ATF3: variants seen among roughly 807,000 people sequenced by gnomAD.
ATF3 encodes the protein activating transcription factor 3, also known as cyclic AMP-dependent transcription factor ATF-3.
In ATF3, 10 loss-of-function variants were observed where a neutral mutation model predicts 18.4. The observed-to-expected ratio is 0.54, with a 90% CI of 0.34 to 0.92. The LOEUF is 0.92. Among genes scored for constraint, ATF3 ranks in the 40% least tolerant of loss-of-function variants. ATF3 has a pLI of 0.02. For synonymous variants in ATF3, 78 were observed against 87.9 expected, an observed-to-expected ratio of 0.89 and a Z score of 0.63; for missense variants, 183 against 222.3, an observed-to-expected ratio of 0.82 and a Z score of 1.12.
chr1:212,574,905 T>C (rs566818565), intron 1 of ATF3, among the ~76,000 whole-genome samples: 7 of 152,132 alleles, frequency 4.6e-5, no homozygotes, highest in Middle Eastern at 3.4e-3. Context: ...TCTAAATATC[T>C]AACAAGACAA....
At chr1:212,580,849 A>G (rs2102626859) in intron 1 of ATF3, among the ~76,000 whole-genome samples, 1 of 152,250 alleles carries the variant, frequency 6.6e-6, no homozygotes, top group South Asian at 2.1e-4. Context: ...GCTTACTGCA[A>G]CCTTCACCTC....
At chr1:212,606,544 C>T (rs1418723819), upstream of ATF3, among the ~76,000 whole-genome samples, 4 of 152,216 alleles carry the variant, frequency 2.6e-5, no homozygotes, top group African/African-American at 4.8e-5. Flanking sequence ...ACTTGACGCC[C>T]TAAGTTGAAT....
At chr1:212,614,590 C>CAA (rs34303223) in intron 1 of ATF3, among the ~76,000 whole-genome samples, 15 of 124,070 alleles carry the variant, frequency 1.2e-4, no homozygotes, top group African/African-American at 4.4e-4. Context: ...GAGTAATATA[C>CAA]AAAAAAAAAA....
chr1:212,585,098 G>T (rs1664753774), intron 1 of ATF3, among the ~76,000 whole-genome samples: 1 of 152,182 alleles, frequency 6.6e-6, no homozygotes, highest in Non-Finnish European at 1.5e-5. Context: ...GGGGTGGGAG[G>T]GCCTCTAAGG....
upstream of ATF3, among the ~76,000 whole-genome samples, chr1:212,603,933 G>A (rs74138571): frequency 0.013 from 1,924 of 152,122 alleles, 49 homozygotes; most frequent in African/African-American, 0.044. Flanking sequence ...AATCATAACT[G>A]TATTTTAAAA....
chr1:212,618,335 T>C lies in ATF3; in HGVS notation c.348+101T>C. The C allele has an allele frequency of 7.9e-7, 1 of 1,262,506 alleles. No individual in the cohort carries two copies. The highest frequency in any genetic ancestry group is 1.2e-6 in the Non-Finnish European group (1 of 863,224). 78.2% of individuals were successfully genotyped at this position (1,262,506 alleles called of 1,614,324 possible). ...AGTTAGAAAACCCCCTACTTGGTTA[T>C]AGTTTCCCAAGAAGGGCCTTGTAGC... On this transcript the variant is annotated intron_variant, in intron 3 of 3. Transcript: ENST00000341491. The surrounding 1 kb of genome is among the most constrained non-coding windows in gnomAD (Gnocchi z 4.4).
chr1:212,602,797 C>G (rs951237322), intron 1 of ATF3, among the ~76,000 whole-genome samples: 3 of 152,194 alleles, frequency 2.0e-5, no homozygotes, highest in African/African-American at 7.2e-5. Context: ...GGGAACTAAT[C>G]CTCTCAAGGT....
Position 212,619,157 on chromosome 1 carries a change from G to A in ATF3, c.349-201G>A, listed in dbSNP as rs1229053838. On this transcript the variant is annotated intron_variant, in intron 3 of 3. Transcript: ENST00000341491. The surrounding 1 kb of genome is among the most constrained non-coding windows in gnomAD (Gnocchi z 4.4). ...AGCAGAGCCACAGGCCGCCTCTGTG[G>A]CATCACCAGGGTTTCTCTGAAGAAG... 1 of 1,613,564 alleles carries A rather than the reference G, an allele frequency of 6.2e-7. No homozygotes were observed. Among genetic ancestry groups the A allele is most frequent in the African/African-American group, 1.3e-5 (1 of 74,910 alleles).
Position 212,618,023 on chromosome 1 carries a change from C to T in ATF3, c.241-104C>T, listed in dbSNP as rs1197609182. 3.5e-6 allele frequency: 4 copies of T among 1,150,110 alleles called. No individual in the cohort carries two copies. The highest frequency in any genetic ancestry group is 3.9e-6 in the Non-Finnish European group (3 of 778,744). 71.2% of individuals were successfully genotyped at this position (1,150,110 alleles called of 1,614,324 possible). ...GTATTTCGGGGTCTTTTAGCGCTAG[C>T]ATTGCCCTTGTCTGCCAGCTTTTGC... On this transcript the variant is annotated intron_variant, in intron 2 of 3. Coordinates refer to ENST00000341491, the MANE Select transcript of ATF3 (RefSeq NM_001674.4). The surrounding 1 kb of genome is among the most constrained non-coding windows in gnomAD (Gnocchi z 4.4).
chr1:212,577,692 C>G (rs924661979), intron 1 of ATF3, among the ~76,000 whole-genome samples: 1 of 152,066 alleles, frequency 6.6e-6, no homozygotes, highest in Non-Finnish European at 1.5e-5. Context: ...TTTTCCTTGC[C>G]TGGCATATGT....
chr1:212,574,873 C>G (rs977170917), intron 1 of ATF3, among the ~76,000 whole-genome samples: 19 of 151,964 alleles, frequency 1.3e-4, no homozygotes, highest in Non-Finnish European at 2.4e-4. Context: ...TATGCCAGTA[C>G]TACCACAATC....
rs377594116 is a variant in ATF3 at position 212,579,422 on chromosome 1, T to C, written c.-5+13939T>C. The stretch of plus-strand genomic sequence containing the variant: ...AGCAGGGCAGTATATATTTTTTTAT[T>C]ACCAGCATATCCCCAGTGCATAAAA... On this transcript the variant is annotated intron_variant, in intron 1 of 3. Coordinates refer to the ATF3 transcript ENST00000366981. Among the ~76,000 whole-genome samples the C allele has an allele frequency of 1.8e-4, 28 of 152,338 alleles. No homozygotes were observed. In the East Asian group the frequency reaches 4.6e-3, roughly 25 times the overall value.
At chr1:212,576,894 A>ATT (rs35603068) in intron 1 of ATF3, among the ~76,000 whole-genome samples, 4 of 146,448 alleles carry the variant, frequency 2.7e-5, no homozygotes, top group Non-Finnish European at 6.1e-5. Flanking sequence ...CACCCGGCTG[A>ATT]TTTTTTTTTT....
At chr1:212,592,857 G>A (rs1976657) in intron 1 of ATF3, among the ~76,000 whole-genome samples, 143,843 of 152,154 alleles carry the variant, frequency 0.95, 68,343 homozygotes, top group Middle Eastern at 0.99. Flanking sequence ...GGCATTTAAA[G>A]ATAAGTGTTC....
chr1:212,595,495 A>G (rs1571772624), intron 1 of ATF3, among the ~76,000 whole-genome samples: 2 of 152,174 alleles, frequency 1.3e-5, no homozygotes, highest in East Asian at 3.8e-4. Flanking sequence ...GACCAACCAC[A>G]GTGGTCCCTG....
chr1:212,614,350 C>G (rs986500690), intron 1 of ATF3, among the ~76,000 whole-genome samples: 2 of 152,164 alleles, frequency 1.3e-5, no homozygotes, highest in African/African-American at 4.8e-5. Context: ...AAGAATCCAC[C>G]TCCCCATCCC....
At position 212,619,336 on chromosome 1, in the gene ATF3, G is replaced by T; in HGVS notation, c.349-22G>T. The T allele has an allele frequency of 3.1e-6, 5 of 1,612,704 alleles. No individual in the cohort carries two copies. Among genetic ancestry groups the T allele is most frequent in the Non-Finnish European group, 4.2e-6 (5 of 1,179,998 alleles). ...ACTGGCCCTTGGCTCCTTTCTTGATGCCTCTGTTGCTTGTCCCCCAGGAGT... is the reference window on the plus strand; with the variant it reads ...ACTGGCCCTTGGCTCCTTTCTTGATTCCTCTGTTGCTTGTCCCCCAGGAGT... On this transcript the variant is annotated intron_variant, in intron 3 of 3. Coordinates refer to ENST00000341491, the MANE Select transcript of ATF3 (RefSeq NM_001674.4). This position sits in a 1 kb window ranked among gnomAD's most constrained non-coding sequence, Gnocchi z 4.4.
rs759261407 is a variant in ATF3, at chr1:212,618,261, C to T, written c.348+27C>T. On this transcript the variant is annotated intron_variant, in intron 3 of 3. Coordinates refer to ENST00000341491, the MANE Select transcript of ATF3 (RefSeq NM_001674.4). The surrounding 1 kb of genome is among the most constrained non-coding windows in gnomAD (Gnocchi z 4.4). The stretch of plus-strand genomic sequence containing the variant: ...TGAGTGCCTTCTAGCCTTACCCTTC[C>T]TCTCGCTCACGCCTGTCTTCACCAG... 13 of 1,603,582 alleles carry T rather than the reference C, an allele frequency of 8.1e-6. No individual in the cohort carries two copies. The highest frequency in any genetic ancestry group is 4.4e-5 in the South Asian group (4 of 90,862).
At position 212,619,531 on chromosome 1, in the gene ATF3, A is replaced by G; in HGVS notation, c.522A>G (p.Ile174Met). Residue 174 changes from isoleucine to methionine, a missense_variant, in exon 4 of 4, where the codon ATA becomes ATG. Ile to Met is a conservative substitution (Grantham distance 10). Coordinates refer to ENST00000341491, the MANE Select transcript of ATF3 (RefSeq NM_001674.4). The surrounding 1 kb of genome is among the most constrained non-coding windows in gnomAD (Gnocchi z 4.4). ...EDERNLFIQQ[I>M]KEGTLQS The stretch of plus-strand genomic sequence containing the variant: ...AGAGAAACCTCTTTATCCAACAGAT[A>G]AAAGAAGGAACATTGCAGAGCTAAG... 1 of 1,614,206 alleles carries G rather than the reference A, an allele frequency of 6.2e-7. No individual in the cohort carries two copies. The highest frequency in any genetic ancestry group is 8.5e-7 in the Non-Finnish European group (1 of 1,180,018).
Sources: gnomAD v4.1 joint callset for allele counts (sites outside exome capture counted in the v4.1 genomes callset) on GRCh38, gnomAD v4.1.1 for gene constraint, Gnocchi (gnomAD v3.1) non-coding constraint, MANE v1.5 for transcripts, NCBI Gene and HGNC (gene_info 2026-07-23, HGNC 2026-07-21) for gene names.